MYCBP2: variants seen among roughly 807,000 people sequenced by gnomAD.
MYCBP2 encodes E3 ubiquitin-protein ligase MYCBP2.
Under a neutral mutation model 525.3 loss-of-function variants are expected in MYCBP2, and 120 were observed. The observed-to-expected ratio is 0.23, with a 90% confidence interval of 0.20 to 0.27. The LOEUF is 0.27. Among genes scored for constraint, MYCBP2 ranks in the 10% least tolerant of loss-of-function variants. The pLI is 1.00. For synonymous variants in MYCBP2, 1,894 were observed against 1,955.8 expected, an observed-to-expected ratio of 0.97 and a Z score of 0.83; for missense variants, 4,149 against 5,657.1, an observed-to-expected ratio of 0.73 and a Z score of 8.55.
intron 55 of MYCBP2, among the ~76,000 whole-genome samples, chr13:77,118,068 G>C (rs550857413): frequency 6.6e-6 from 1 of 152,238 alleles, no homozygotes; most frequent in Non-Finnish European, 1.5e-5. Flanking sequence ...ATCCTTTTGG[G>C]ACATCTTGAA....
Position 77,185,365 on chromosome 13 carries a change from G to A in MYCBP2, c.4457C>T (p.Ala1486Val). The A allele has an allele frequency of 6.2e-7, 1 of 1,610,132 alleles. No individual in the cohort carries two copies. The highest frequency in any genetic ancestry group is 1.3e-5 in the African/African-American group (1 of 74,902). ...EIYPVSATGK[A>V]VVEETSKLAE... ...TAATTTGCTAGTTTCTTCTACAACT[G>A]CTTTTCCTGTAGCTTTGAGGGGGAA... is the stretch of plus-strand genomic sequence containing the variant. Residue 1486 changes from alanine to valine, a missense_variant, in exon 32 of 83, where the codon GCA becomes GTA. Ala to Val is a moderately conservative substitution (Grantham distance 64). Transcript: ENST00000544440.
intron 44 of MYCBP2, 97 bp downstream of exon 44, chr13:77,161,809 G>T: frequency 1.1e-6 from 1 of 876,208 alleles, no homozygotes; most frequent in Non-Finnish European, 1.8e-6. Context: ...AGTACTTAAT[G>T]AATGAACCCA....
At chr13:77,132,713 T>C (rs183101643) in intron 52 of MYCBP2, among the ~76,000 whole-genome samples, 10 of 152,118 alleles carry the variant, frequency 6.6e-5, no homozygotes, top group African/African-American at 2.4e-4. Flanking sequence ...ACCCAAAGAA[T>C]TGGGTGTGTA....
intron 45 of MYCBP2, 113 bp downstream of exon 45, chr13:77,157,824 C>T (rs541277426): frequency 2.3e-6 from 2 of 871,302 alleles, no homozygotes; most frequent in Non-Finnish European, 3.6e-6. Flanking sequence ...GTTAAACATA[C>T]ATAAACCAGA....
chr13:77,138,879 T>C (rs1594842377), intron 52 of MYCBP2, among the ~76,000 whole-genome samples: 2 of 152,316 alleles, frequency 1.3e-5, no homozygotes, highest in East Asian at 3.9e-4. Flanking sequence ...CACACAGCTG[T>C]ATAAATAAGA....
chr13:77,054,504 G>C (rs1566291973), intron 80 of MYCBP2, among the ~76,000 whole-genome samples: 1 of 152,072 alleles, frequency 6.6e-6, no homozygotes, highest in Non-Finnish European at 1.5e-5. Context: ...AAAATGATTA[G>C]GTTTGCTGGA....
At chr13:77,063,512 C>T (rs762558948) in intron 73 of MYCBP2, among the ~76,000 whole-genome samples, 4 of 135,202 alleles carry the variant, frequency 3.0e-5, no homozygotes, top group South Asian at 2.4e-4. Context: ...GAGCCAAGAT[C>T]GTACCATTGC....
At chr13:77,084,336 A>G (rs887835563) in intron 62 of MYCBP2, among the ~76,000 whole-genome samples, 1 of 152,160 alleles carries the variant, frequency 6.6e-6, no homozygotes, top group Non-Finnish European at 1.5e-5. Flanking sequence ...TTTTTAAACT[A>G]TGTCACTGAG....
chr13:77,229,018 C>T (rs1197808133), intron 18 of MYCBP2, among the ~76,000 whole-genome samples: 1 of 152,074 alleles, frequency 6.6e-6, no homozygotes, highest in Non-Finnish European at 1.5e-5. Context: ...AAAGTAGTTG[C>T]AATTTACTAA....
In MYCBP2 at chr13:77,081,307, T is replaced by C. The variant is rs1594337340; in HGVS notation, c.11418+120A>G. On this transcript the variant is annotated intron_variant, in intron 65 of 82. Transcript: ENST00000544440. The surrounding 1 kb of genome is among the most constrained non-coding windows in gnomAD (Gnocchi z 4.6). ...AAGATTTATTTGGGGATTATAGCAA[T>C]GATGTTTGGTTGGTGAAATTCCAGG... 2.5e-6 allele frequency: 2 copies of C among 807,326 alleles called. No individual in the cohort carries two copies. The highest frequency in any genetic ancestry group is 5.0e-5 in the East Asian group (2 of 40,328). The allele number at this position is 807,326 out of a possible 1,614,324, so 50.0% of individuals were successfully genotyped here. A position where few individuals can be genotyped will look rare whatever the true frequency, so the allele number is the denominator to read the frequency against.
intron 55 of MYCBP2, 170 bp from the exon 56 acceptor site, chr13:77,099,183 A>T (rs1033686953): frequency 2.0e-5 from 18 of 910,948 alleles, no homozygotes; most frequent in Non-Finnish European, 2.7e-5. Flanking sequence ...TTCTAATAAA[A>T]TTTCTACACA....
intron 44 of MYCBP2, among the ~76,000 whole-genome samples, chr13:77,160,396 T>C (rs985013262): frequency 2.0e-5 from 3 of 152,218 alleles, no homozygotes; most frequent in Admixed American, 6.5e-5. Flanking sequence ...GAGTTAAAAA[T>C]GCACAAAATG....
chr13:77,300,475 C>A (rs1567199072), intron 1 of MYCBP2, among the ~76,000 whole-genome samples: 1 of 152,088 alleles, frequency 6.6e-6, no homozygotes, highest in African/African-American at 2.4e-5. Flanking sequence ...TCTTTTCAAC[C>A]TTTTAAAAAT....
rs187269822 is a variant in MYCBP2 at position 77,048,437 on chromosome 13, G to C, written c.13921+2560C>G. ...TAAAAATATTAGAATTAACAGGGTTGAGAGTGGTTAGAGAATTGCTTCTTC... is the reference window on the plus strand; with the variant it reads ...TAAAAATATTAGAATTAACAGGGTTCAGAGTGGTTAGAGAATTGCTTCTTC... On this transcript the variant is annotated intron_variant, in intron 82 of 82. Coordinates refer to ENST00000544440, the MANE Select transcript of MYCBP2 (RefSeq NM_015057.5). 7.2e-5 allele frequency among the ~76,000 whole-genome samples: 11 copies of C among 152,312 alleles called. No individual in the cohort carries two copies. In the East Asian group the frequency reaches 1.9e-3, roughly 27 times the overall value.
chr13:77,311,353 C>G (rs909378195), intron 1 of MYCBP2, among the ~76,000 whole-genome samples: 1 of 152,042 alleles, frequency 6.6e-6, no homozygotes, highest in African/African-American at 2.4e-5. Flanking sequence ...AGATACAATC[C>G]CAAATTCTCA....
Position 77,081,738 on chromosome 13 carries a change from TG to T in MYCBP2, c.11194-88del. The stretch of plus-strand genomic sequence containing the variant: ...CAAACAGGTATAAGATAAAACATAA[TG>T]GAAGACAGGATCAAATTGATTATGA... On this transcript the variant is annotated intron_variant, in intron 64 of 82. Transcript: ENST00000544440. This position sits in a 1 kb window ranked among gnomAD's most constrained non-coding sequence, Gnocchi z 4.6. The T allele has an allele frequency of 6.5e-7, 1 of 1,532,568 alleles. No homozygotes were observed. The highest frequency in any genetic ancestry group is 8.8e-7 in the Non-Finnish European group (1 of 1,135,942). The allele number at this position is 1,532,568 out of a possible 1,614,324, so 94.9% of individuals were successfully genotyped here.
chr13:77,261,130 CATTT>C, intron 12 of MYCBP2, 37 bp downstream of exon 12: 1 of 1,481,712 alleles, frequency 6.7e-7, no homozygotes, highest in South Asian at 1.3e-5. Flanking sequence ...TAAAATAAAG[CATTT>C]ATTTTTATTA....
intron 45 of MYCBP2, among the ~76,000 whole-genome samples, chr13:77,157,095 A>AT (rs971539684): frequency 2.6e-5 from 4 of 151,482 alleles, no homozygotes; most frequent in Admixed American, 1.3e-4. Flanking sequence ...TAATTAGTTA[A>AT]TTTTTTTTTG....
chr13:77,307,199 T>C (rs2079548065), intron 1 of MYCBP2, among the ~76,000 whole-genome samples: 1 of 152,168 alleles, frequency 6.6e-6, no homozygotes, highest in Admixed American at 6.5e-5. Context: ...GAGACAGCTC[T>C]TACTCTATCC....
Sources: allele counts gnomAD v4.1 joint callset (sites outside exome capture counted in the v4.1 genomes callset), GRCh38; gene constraint gnomAD v4.1.1; non-coding constraint Gnocchi (gnomAD v3.1); transcripts MANE v1.5; gene names NCBI Gene and HGNC (gene_info 2026-07-23, HGNC 2026-07-21).